Variants in A1CF observed in about 807,000 individuals in gnomAD.
A1CF encodes the protein APOBEC1 complementation factor, also known as APOBEC-1 stimulating protein.
A neutral mutation model predicts 68.9 loss-of-function variants in A1CF; 48 were observed. That is an observed-to-expected ratio of 0.70 (90% CI 0.55 to 0.89). The LOEUF (loss-of-function observed/expected upper bound fraction) is 0.89. Ranked by LOEUF, A1CF falls within the 40% of genes least tolerant of loss-of-function variation. A1CF has a pLI of 0.00. For synonymous variants in A1CF, 272 were observed against 260.4 expected, an observed-to-expected ratio of 1.04 and a Z score of -0.43; for missense variants, 653 against 718.9, an observed-to-expected ratio of 0.91 and a Z score of 1.05.
intron 3 of A1CF, among the ~76,000 whole-genome samples, chr10:50,845,992 A>T (rs1251115274): frequency 6.6e-6 from 1 of 151,960 alleles, no homozygotes; most frequent in Non-Finnish European, 1.5e-5. Flanking sequence ...GAAAAAATGT[A>T]TCATGCCATT....
At chr10:50,869,001 A>C (rs1841128710) in intron 1 of A1CF, among the ~76,000 whole-genome samples, 2 of 152,132 alleles carry the variant, frequency 1.3e-5, no homozygotes, top group Admixed American at 6.6e-5. Flanking sequence ...GCAGGGTGGG[A>C]GGAAGGAGAG....
chr10:50,852,951 G>T (rs1023048983), intron 3 of A1CF, among the ~76,000 whole-genome samples: 2 of 152,086 alleles, frequency 1.3e-5, no homozygotes, highest in African/African-American at 4.8e-5. Flanking sequence ...GAAGAGGAAC[G>T]GTATTCTAAT....
In A1CF at chr10:50,810,003, A is replaced by C. The variant is rs754576524; in HGVS notation, c.1500T>G (p.Asp500Glu). Residue 500 changes from aspartate to glutamate, a missense_variant, in exon 12 of 13, where the codon GAT (aspartate) becomes GAG (glutamate). Transcript: ENST00000373997. ...ATTCGGCTGCATACGTCTTTGCTTCATCCACAAAGGCACTCAGCTTTGGAG... is the reference window on the plus strand; with the variant it reads ...ATTCGGCTGCATACGTCTTTGCTTCCTCCACAAAGGCACTCAGCTTTGGAG... ...FTPPKLSAFV[D>E]EAKTYAAEYT... The C allele has an allele frequency of 3.1e-6, 5 of 1,613,944 alleles. No individual in the cohort carries two copies. In the African/African-American group the frequency reaches 4.0e-5, roughly 13 times the overall value.
rs780319500 is a variant in A1CF, at chr10:50,859,909, A to G, written c.32T>C (p.Leu11Ser). 1.2e-6 allele frequency: 2 copies of G among 1,613,940 alleles called. No homozygotes were observed. Among genetic ancestry groups the G allele is most frequent in the African/African-American group, 2.7e-5 (2 of 74,920 alleles). MESNHKSGDG[L>S]SGTQKEAALR... ...GGCTGCTTCCTTCTGAGTGCCGCTC[A>G]ATCCATCCCCGGATTTGTGATTTGA... The change falls in exon 3 of 13, where the codon TTG becomes TCG. Residue 11 changes from leucine to serine, a missense_variant. Transcript: ENST00000373997.
chr10:50,848,849 C>G (rs1840112625), intron 3 of A1CF, among the ~76,000 whole-genome samples: 1 of 152,052 alleles, frequency 6.6e-6, no homozygotes, highest in Non-Finnish European at 1.5e-5. Flanking sequence ...AAGATTTTAC[C>G]AGCTTGCCAG....
intron 5 of A1CF, among the ~76,000 whole-genome samples, chr10:50,836,696 C>G (rs1839514297): frequency 8.8e-6 from 1 of 114,002 alleles, no homozygotes; most frequent in Admixed American, 1.1e-4. Flanking sequence ...CCCCTCCCCC[C>G]ACCCCACAAC....
At chr10:50,839,996 CCTCCCAAAGTGCTA>C (rs1564514304) in intron 5 of A1CF, among the ~76,000 whole-genome samples, 1 of 152,178 alleles carries the variant, frequency 6.6e-6, no homozygotes, top group Admixed American at 6.5e-5. Flanking sequence ...CCCGCCTTGG[CCTCCCAAAGTGCTA>C]GGATTACAGG....
At chr10:50,839,096 T>C (rs924493166) in intron 5 of A1CF, among the ~76,000 whole-genome samples, 1 of 152,198 alleles carries the variant, frequency 6.6e-6, no homozygotes, top group Non-Finnish European at 1.5e-5. Flanking sequence ...TATATTTTTA[T>C]CTCTATTTCA....
chr10:50,811,023 T>G lies in A1CF; in HGVS notation c.1460+17A>C, dbSNP rs139228558. The stretch of plus-strand genomic sequence containing the variant: ...ATCCTGCTCTAAAATGGTAAGGAAT[T>G]TGGAGAAGTTACGCACATTGCAGGA... On this transcript the variant is annotated intron_variant, in intron 11 of 12. Coordinates refer to ENST00000373997, the MANE Select transcript of A1CF (RefSeq NM_014576.4). 2 of 1,603,074 alleles carry G rather than the reference T, an allele frequency of 1.2e-6. No individual in the cohort carries two copies. Among genetic ancestry groups the G allele is most frequent in the African/African-American group, 2.7e-5 (2 of 74,748 alleles).
intron 9 of A1CF, 47 bp downstream of exon 9, chr10:50,815,959 A>C: frequency 6.3e-7 from 1 of 1,594,044 alleles, no homozygotes; most frequent in Non-Finnish European, 8.6e-7. Flanking sequence ...AATTTGAGTC[A>C]TTTGAAATCT....
intron 6 of A1CF, among the ~76,000 whole-genome samples, chr10:50,831,355 T>C (rs1839228255): frequency 6.6e-6 from 1 of 152,192 alleles, no homozygotes. Context: ...TTACAAAGCA[T>C]ACATTTGATA....
intron 10 of A1CF, among the ~76,000 whole-genome samples, chr10:50,812,441 TCA>T (rs1226362032): frequency 7.9e-5 from 12 of 152,346 alleles, no homozygotes; most frequent in African/African-American, 2.6e-4. Context: ...AGATTGTTAC[TCA>T]CATACTAATA....
At chr10:50,814,794 G>A (rs530522192) in intron 9 of A1CF, among the ~76,000 whole-genome samples, 12 of 151,400 alleles carry the variant, frequency 7.9e-5, no homozygotes, top group East Asian at 3.9e-4. Context: ...GTTTTTTTTC[G>A]ACATCATAAC....
chr10:50,805,047 T>C lies in A1CF; in HGVS notation c.*1682A>G, dbSNP rs1315576998. 1.3e-5 allele frequency: 2 copies of C among 152,210 alleles called. No individual in the cohort carries two copies. Among genetic ancestry groups the C allele is most frequent in the Admixed American group, 6.5e-5 (1 of 15,282 alleles). The allele number at this position is 152,210 out of a possible 1,614,324, so 9.4% of individuals were successfully genotyped here. A position where few individuals can be genotyped will look rare whatever the true frequency, so the allele number is the denominator to read the frequency against. The stretch of plus-strand genomic sequence containing the variant: ...AGAAAGCACAGGGCCTTTCAGAGTT[T>C]CAGCTGTAGCCTTGGAGGCTTTGTT... On this transcript the variant is annotated 3_prime_UTR_variant, in exon 13 of 13. Transcript: ENST00000373997.
intron 5 of A1CF, 77 bp downstream of exon 5, chr10:50,841,785 A>G (rs756787114): frequency 2.2e-5 from 34 of 1,560,680 alleles, no homozygotes; most frequent in Non-Finnish European, 2.8e-5. Flanking sequence ...CATACACCAT[A>G]TTAGATAAAC....
chr10:50,860,884 G>C (rs1488617779), intron 2 of A1CF, among the ~76,000 whole-genome samples: 2 of 152,126 alleles, frequency 1.3e-5, no homozygotes, highest in African/African-American at 2.4e-5. Context: ...AGAGGTGAAG[G>C]CTGCCACACT....
At chr10:50,859,779 T>C in intron 3 of A1CF, 63 bp downstream of exon 3, 1 of 1,447,860 alleles carries the variant, frequency 6.9e-7, no homozygotes, top group Non-Finnish European at 9.6e-7. Flanking sequence ...TCTTAGGACC[T>C]CCAATATTCC....
At chr10:50,856,204 C>T (rs2132512323) in intron 3 of A1CF, among the ~76,000 whole-genome samples, 1 of 152,030 alleles carries the variant, frequency 6.6e-6, no homozygotes, top group South Asian at 2.1e-4. Flanking sequence ...GAGATTATGG[C>T]CTGGAGATGT....
chr10:50,878,696 AAG>A (rs1841632721), intron 1 of A1CF, among the ~76,000 whole-genome samples: 1 of 152,210 alleles, frequency 6.6e-6, no homozygotes, highest in African/African-American at 2.4e-5. Flanking sequence ...AGAGAAAACT[AAG>A]AGTTTCCAGG....
Sources: gnomAD v4.1 joint callset for allele counts (sites outside exome capture counted in the v4.1 genomes callset) on GRCh38, gnomAD v4.1.1 for gene constraint, MANE v1.5 for transcripts, NCBI Gene and HGNC (gene_info 2026-07-23, HGNC 2026-07-21) for gene names.